The following FER variants were observed in gnomAD, a reference collection of about 807,000 sequenced individuals.
FER encodes FER tyrosine kinase, also known as tyrosine-protein kinase Fer.
A neutral mutation model predicts 111.0 loss-of-function variants in FER; 63 were observed. The ratio of observed to expected loss-of-function variants is 0.57; its 90% confidence interval spans 0.46 to 0.70. The LOEUF is 0.70. FER is among the 30% of genes least tolerant of loss of function. The probability of loss-of-function intolerance (pLI) is 0.00; values close to 1 mark genes in which losing one functional copy is unlikely to be tolerated. For synonymous variants in FER, 327 were observed against 313.9 expected (o/e 1.04, Z -0.44); for missense variants, 914 against 954.0 (o/e 0.96, Z 0.55).
intron 17 of FER, among the ~76,000 whole-genome samples, chr5:109,142,512 G>A (rs927984096): frequency 6.6e-6 from 1 of 152,120 alleles, no homozygotes; most frequent in Admixed American, 6.6e-5. Flanking sequence ...GATAACAAGA[G>A]CCATGCTTGA....
chr5:108,983,800 C>T (rs558180559), intron 13 of FER, among the ~76,000 whole-genome samples: 2 of 152,242 alleles, frequency 1.3e-5, no homozygotes, highest in South Asian at 4.1e-4. Context: ...CTAAAATGCA[C>T]TACCCAGATT....
intron 13 of FER, among the ~76,000 whole-genome samples, chr5:108,985,768 T>A (rs923400498): frequency 1.3e-5 from 2 of 152,230 alleles, no homozygotes; most frequent in African/African-American, 4.8e-5. Context: ...GCCATTATTT[T>A]ATTCTGTTTT....
chr5:109,151,597 G>T (rs1173916765), intron 17 of FER, among the ~76,000 whole-genome samples: 1 of 152,120 alleles, frequency 6.6e-6, no homozygotes, highest in Non-Finnish European at 1.5e-5. Flanking sequence ...CTCCAGAAGA[G>T]ATGGTTCCAG....
chr5:109,026,487 C>G (rs558580734), intron 13 of FER, among the ~76,000 whole-genome samples: 3 of 151,752 alleles, frequency 2.0e-5, no homozygotes, highest in African/African-American at 7.2e-5. Context: ...TGATCAAATT[C>G]TGAATAATTC....
chr5:109,041,749 C>T (rs1243986379), intron 14 of FER, among the ~76,000 whole-genome samples: 1 of 152,094 alleles, frequency 6.6e-6, no homozygotes, highest in African/African-American at 2.4e-5. Flanking sequence ...TTTTCAAATT[C>T]AGTAAATGAC....
At chr5:109,063,950 C>T (rs1390998146) in intron 16 of FER, among the ~76,000 whole-genome samples, 2 of 152,134 alleles carry the variant, frequency 1.3e-5, no homozygotes, top group South Asian at 2.1e-4. Context: ...AAGAACATTA[C>T]ATTACTGAAA....
intron 8 of FER, 61 bp downstream of exon 8, chr5:108,872,273 A>T: frequency 7.0e-7 from 1 of 1,430,324 alleles, no homozygotes; most frequent in Non-Finnish European, 9.4e-7. Flanking sequence ...TTATTGTTGT[A>T]CTCAGATTTA....
intron 13 of FER, among the ~76,000 whole-genome samples, chr5:108,986,228 T>G (rs1011943445): frequency 2.6e-5 from 4 of 152,156 alleles, no homozygotes; most frequent in Non-Finnish European, 4.4e-5. Flanking sequence ...TGGCTAATTG[T>G]ATATCTTCTG....
rs938104875 is a variant in FER, at chr5:109,163,014, A to G, written c.2049-17733A>G. ...GTTTTGCAGTCAGTATCCTTTTCCT[A>G]TCTCTGGCCCTAGGGAACCACTCAT... On this transcript the variant is annotated intron_variant, in intron 17 of 19. Coordinates refer to ENST00000281092, the MANE Select transcript of FER (RefSeq NM_005246.4). Among the ~76,000 whole-genome samples, 5 of 152,038 alleles carry G rather than the reference A, an allele frequency of 3.3e-5. No individual in the cohort carries two copies. In the South Asian group the frequency reaches 8.3e-4, roughly 25 times the overall value.
At chr5:109,002,954 G>A (rs1003423268) in intron 13 of FER, among the ~76,000 whole-genome samples, 41 of 152,154 alleles carry the variant, frequency 2.7e-4, no homozygotes, top group Non-Finnish European at 5.0e-4. Flanking sequence ...TCATTAAAAA[G>A]TCAGGAAACA....
At chr5:108,849,999 G>A (rs1308547897) in intron 5 of FER, among the ~76,000 whole-genome samples, 5 of 152,078 alleles carry the variant, frequency 3.3e-5, no homozygotes, top group African/African-American at 4.8e-5. Flanking sequence ...AGACCAGCCT[G>A]GCCAACATTG....
intron 16 of FER, among the ~76,000 whole-genome samples, chr5:109,082,901 A>G (rs1777154684): frequency 1.3e-5 from 2 of 152,004 alleles, no homozygotes; most frequent in African/African-American, 4.8e-5. Flanking sequence ...TGTCAGACCT[A>G]TCAAAAGAAC....
In FER at chr5:109,194,407, G is replaced by C. The variant is rs958272158; in HGVS notation, c.*6832G>C. On this transcript the variant is annotated 3_prime_UTR_variant, in exon 20 of 20. Coordinates refer to ENST00000281092, the MANE Select transcript of FER (RefSeq NM_005246.4). The stretch of plus-strand genomic sequence containing the variant: ...TGCATGAAAATACCTGTACTCTGCA[G>C]TTCCTCAAAGCAGTATTCTTCCTGA... 1 of 152,178 alleles carries C rather than the reference G, an allele frequency of 6.6e-6. No individual in the cohort carries two copies. The highest frequency in any genetic ancestry group is 2.4e-5 in the African/African-American group (1 of 41,452). 9.4% of individuals were successfully genotyped at this position (152,178 alleles called of 1,614,324 possible).
chr5:109,079,839 C>A (rs1776784337), intron 16 of FER, among the ~76,000 whole-genome samples: 1 of 152,106 alleles, frequency 6.6e-6, no homozygotes, highest in Admixed American at 6.6e-5. Flanking sequence ...AAGCCAATGC[C>A]AACCCCACAG....
At chr5:108,819,844 T>G in intron 3 of FER, 2 of 985,364 alleles carry the variant, frequency 2.0e-6, no homozygotes, top group Non-Finnish European at 2.4e-6. Context: ...GTTTTAATTT[T>G]TTTCCCCCAG....
chr5:108,931,844 AG>A (rs1754725742), intron 10 of FER, among the ~76,000 whole-genome samples: 4 of 152,090 alleles, frequency 2.6e-5, no homozygotes, highest in Admixed American at 2.6e-4. Flanking sequence ...GAAAAAAAAT[AG>A]TGCATAATTC....
chr5:109,136,111 T>G (rs1387906970), intron 17 of FER, among the ~76,000 whole-genome samples: 1 of 151,584 alleles, frequency 6.6e-6, no homozygotes, highest in East Asian at 2.0e-4. Context: ...CAAAAAGTAG[T>G]CGAGCGTAGT....
chr5:108,975,266 G>A (rs1346213614), intron 13 of FER, among the ~76,000 whole-genome samples: 1 of 152,076 alleles, frequency 6.6e-6, no homozygotes, highest in Admixed American at 6.6e-5. Context: ...GAGGGGCAAG[G>A]GAGAGGAGAG....
At chr5:109,119,298 T>C (rs542379114) in intron 17 of FER, among the ~76,000 whole-genome samples, 4 of 152,218 alleles carry the variant, frequency 2.6e-5, no homozygotes, top group Admixed American at 6.5e-5. Context: ...GGTTGTTCAG[T>C]TTCCATGTAG....
Sources: gnomAD v4.1 joint callset for allele counts (sites outside exome capture counted in the v4.1 genomes callset) on GRCh38, gnomAD v4.1.1 for gene constraint, MANE v1.5 for transcripts, NCBI Gene and HGNC (gene_info 2026-07-23, HGNC 2026-07-21) for gene names.